AMMECR1: variants seen among roughly 807,000 people sequenced by gnomAD.
AMMECR1 encodes nuclear protein AMMECR1.
In AMMECR1, 3 loss-of-function variants were observed where a neutral mutation model predicts 22.5. That is an observed-to-expected ratio of 0.13 (90% CI 0.06 to 0.35). AMMECR1 has a LOEUF of 0.35. AMMECR1 is among the 10% of genes least tolerant of loss of function. The pLI, the probability that AMMECR1 is intolerant of heterozygous loss-of-function variation, is 1.00. For missense variants in AMMECR1, 235 were observed against 278.7 expected, an observed-to-expected ratio of 0.84 and a Z score of 1.12; for synonymous variants, 130 against 116.7, an observed-to-expected ratio of 1.11 and a Z score of -0.74.
In AMMECR1 at chrX:110,260,431, A is replaced by T. The variant is rs758860190; in HGVS notation, c.584+4058T>A. On this transcript the variant is annotated intron_variant, in intron 2 of 5. Coordinates refer to ENST00000262844, the MANE Select transcript of AMMECR1 (RefSeq NM_015365.3). ...AAAGATTATGTTTATATATATATTT[A>T]AAAAACTTAATTCAGGATAGGCATT... Among the ~76,000 whole-genome samples, 165 of 111,368 alleles carry T rather than the reference A, an allele frequency of 1.5e-3. 2 individuals are homozygous for T. Among genetic ancestry groups the T allele is most frequent in the African/African-American group, 4.9e-3 (151 of 30,806 alleles).
intron 2 of AMMECR1, among the ~76,000 whole-genome samples, chrX:110,393,375 G>A (rs1163784445): frequency 8.9e-6 from 1 of 111,992 alleles, no homozygotes; most frequent in Non-Finnish European, 1.9e-5. Context: ...TATGTACCAG[G>A]TGCTTTATTT....
intron 1 of AMMECR1, among the ~76,000 whole-genome samples, chrX:110,427,345 G>A (rs756049853): frequency 8.9e-6 from 1 of 111,924 alleles, no homozygotes; most frequent in East Asian, 2.8e-4. Context: ...CTCAAAATGT[G>A]GGTCCTGGGG....
intron 2 of AMMECR1, among the ~76,000 whole-genome samples, chrX:110,394,102 A>G (rs2068513000): frequency 8.9e-6 from 1 of 112,564 alleles, no homozygotes; most frequent in Non-Finnish European, 1.9e-5. Flanking sequence ...GCTGTCACTC[A>G]TTGATTCACC....
upstream of AMMECR1, among the ~76,000 whole-genome samples, chrX:110,320,883 AAG>A (rs770745216): frequency 8.9e-6 from 1 of 112,163 alleles, no homozygotes; most frequent in Non-Finnish European, 1.9e-5. Flanking sequence ...GGCTGACTAA[AAG>A]GGGGAAAAAC....
At chrX:110,291,329 C>A (rs1412741155) in intron 1 of AMMECR1, among the ~76,000 whole-genome samples, 3 of 110,522 alleles carry the variant, frequency 2.7e-5, no homozygotes, top group Non-Finnish European at 5.7e-5. Context: ...TCAAGACCAG[C>A]CTGGCCAACA....
At chrX:110,330,160 C>A (rs779158176) in intron 2 of AMMECR1, among the ~76,000 whole-genome samples, 1 of 111,750 alleles carries the variant, frequency 8.9e-6, no homozygotes, top group Non-Finnish European at 1.9e-5. Flanking sequence ...CTGTTTCAAC[C>A]CGTTACTACA....
chrX:110,208,793 G>A (rs1398908386), intron 3 of AMMECR1, among the ~76,000 whole-genome samples: 1 of 111,442 alleles, frequency 9.0e-6, no homozygotes, highest in African/African-American at 3.3e-5. Flanking sequence ...CTAAGATTTT[G>A]CAGAGAACAA....
chrX:110,346,655 A>G (rs1226057590), intron 2 of AMMECR1: 1 of 574,402 alleles, frequency 1.7e-6, no homozygotes, highest in Non-Finnish European at 3.2e-6. Context: ...TTGAATATTC[A>G]CTGGATCATA....
At chrX:110,405,100 C>CA (rs1491459309) in intron 2 of AMMECR1, among the ~76,000 whole-genome samples, 1 of 100,222 alleles carries the variant, frequency 1.0e-5, no homozygotes, top group East Asian at 3.2e-4. Flanking sequence ...CCCCCCCCCC[C>CA]CAAGCATGAG....
chrX:110,333,709 A>C (rs189216884), intron 2 of AMMECR1, among the ~76,000 whole-genome samples: 39 of 110,749 alleles, frequency 3.5e-4, no homozygotes, highest in Non-Finnish European at 2.6e-4. Flanking sequence ...CATTCTCAGC[A>C]AACTATCACA....
intron 1 of AMMECR1, among the ~76,000 whole-genome samples, chrX:110,432,390 A>G (rs1361336891): frequency 8.9e-6 from 1 of 112,112 alleles, no homozygotes; most frequent in Non-Finnish European, 1.9e-5. Context: ...CTGAGAGATC[A>G]GGCAATCCCC....
chrX:110,239,102 G>A (rs960674370), intron 2 of AMMECR1, among the ~76,000 whole-genome samples: 6 of 111,729 alleles, frequency 5.4e-5, no homozygotes, highest in Admixed American at 9.4e-5. Flanking sequence ...AAAAAACAGC[G>A]CAAAAAGGCT....
intron 2 of AMMECR1, among the ~76,000 whole-genome samples, chrX:110,376,610 A>G (rs2068378487): frequency 8.9e-6 from 1 of 112,443 alleles, no homozygotes; most frequent in African/African-American, 3.2e-5. Flanking sequence ...GGCAGCACCA[A>G]CACTCAGAAG....
intron 3 of AMMECR1, among the ~76,000 whole-genome samples, chrX:110,214,437 G>C (rs981706959): frequency 3.6e-5 from 4 of 111,549 alleles, no homozygotes; most frequent in Admixed American, 9.5e-5. Context: ...TGCCTTGAAA[G>C]AGTATATAGT....
At chrX:110,329,674 T>C (rs2148233573) in intron 2 of AMMECR1, among the ~76,000 whole-genome samples, 1 of 111,747 alleles carries the variant, frequency 8.9e-6, no homozygotes, top group Admixed American at 9.5e-5. Flanking sequence ...TGTAAGAAAA[T>C]GATTGCTTGT....
At chrX:110,245,616 C>T (rs557220672) in intron 2 of AMMECR1, among the ~76,000 whole-genome samples, 4 of 110,972 alleles carry the variant, frequency 3.6e-5, no homozygotes, top group African/African-American at 1.3e-4. Flanking sequence ...TACAAAATCT[C>T]CCAATCTCTA....
chrX:110,337,841 A>T (rs1388913723), intron 2 of AMMECR1, among the ~76,000 whole-genome samples: 1 of 112,393 alleles, frequency 8.9e-6, no homozygotes, highest in East Asian at 2.8e-4. Flanking sequence ...TGAATGGATA[A>T]GCAAAATGTG....
intron 1 of AMMECR1, among the ~76,000 whole-genome samples, chrX:110,301,178 C>A (rs2067964910): frequency 8.9e-6 from 1 of 112,480 alleles, no homozygotes; most frequent in African/African-American, 3.2e-5. Flanking sequence ...TTCTGTAAAG[C>A]CTATATTCCC....
chrX:110,394,850 G>A (rs1181165766), intron 2 of AMMECR1, among the ~76,000 whole-genome samples: 1 of 112,898 alleles, frequency 8.9e-6, no homozygotes, highest in Non-Finnish European at 1.9e-5. Context: ...CCAGGAAGAG[G>A]AGGCCATCCC....
Sources: allele counts gnomAD v4.1 joint callset (sites outside exome capture counted in the v4.1 genomes callset), GRCh38; gene constraint gnomAD v4.1.1; transcripts MANE v1.5; gene names NCBI Gene and HGNC (gene_info 2026-07-23, HGNC 2026-07-21).